The following ROBO2 variants were observed in gnomAD, a reference collection of about 807,000 sequenced individuals.
The protein encoded by ROBO2 is roundabout guidance receptor 2.
In ROBO2, 53 loss-of-function variants were observed where a neutral mutation model predicts 160.8. That is an observed-to-expected ratio of 0.33 (90% CI 0.26 to 0.41). The LOEUF is 0.41. Ranked by LOEUF, ROBO2 falls within the 10% of genes least tolerant of loss-of-function variation. ROBO2 has a pLI of 1.00. For missense variants in ROBO2, 1,577 were observed against 1,722.4 expected, an observed-to-expected ratio of 0.92 and a Z score of 1.49; for synonymous variants, 664 against 611.7, an observed-to-expected ratio of 1.09 and a Z score of -1.26.
intron 2 of ROBO2, among the ~76,000 whole-genome samples, chr3:76,126,450 A>G (rs569092070): frequency 4.6e-5 from 7 of 152,280 alleles, no homozygotes; most frequent in South Asian, 4.1e-4. Flanking sequence ...TGACTTCTTA[A>G]TGAGGCATAC....
chr3:77,508,628 G>A (rs1200799985), intron 5 of ROBO2, among the ~76,000 whole-genome samples: 1 of 151,674 alleles, frequency 6.6e-6, no homozygotes, highest in African/African-American at 2.4e-5. Context: ...TATTCATAGT[G>A]TAATGACAAA....
chr3:75,920,103 TC>T (rs1284602453), intron 1 of ROBO2, among the ~76,000 whole-genome samples: 2 of 152,160 alleles, frequency 1.3e-5, no homozygotes, highest in African/African-American at 4.8e-5. Context: ...TGCCATTGCT[TC>T]TTTTGATTGC....
At chr3:76,253,124 A>T (rs775469791) in intron 2 of ROBO2, among the ~76,000 whole-genome samples, 3 of 152,082 alleles carry the variant, frequency 2.0e-5, no homozygotes, top group African/African-American at 4.8e-5. Context: ...TACCAAGTTG[A>T]CACATAATGC....
At chr3:77,385,475 A>G (rs2074003750) in intron 2 of ROBO2, among the ~76,000 whole-genome samples, 1 of 152,200 alleles carries the variant, frequency 6.6e-6, no homozygotes, top group Non-Finnish European at 1.5e-5. Context: ...TACCCAAGCG[A>G]CATTTTTGTG....
chr3:77,516,028 C>T (rs1170811272), intron 5 of ROBO2, among the ~76,000 whole-genome samples: 1 of 151,408 alleles, frequency 6.6e-6, no homozygotes, highest in Non-Finnish European at 1.5e-5. Flanking sequence ...TTTATTTAGG[C>T]TCCATATGTT....
chr3:77,409,061 A>G (rs936594342), intron 2 of ROBO2, among the ~76,000 whole-genome samples: 1 of 149,522 alleles, frequency 6.7e-6, no homozygotes, highest in African/African-American at 2.5e-5. Context: ...CTCTTAAAAG[A>G]ATTGTTTATG....
chr3:77,405,750 C>T (rs965068881), intron 2 of ROBO2, among the ~76,000 whole-genome samples: 1 of 151,854 alleles, frequency 6.6e-6, no homozygotes, highest in Non-Finnish European at 1.5e-5. Flanking sequence ...AAAGGAAAAA[C>T]CACAAACAAT....
At chr3:77,365,709 A>T (rs913775988) in intron 2 of ROBO2, among the ~76,000 whole-genome samples, 1 of 151,942 alleles carries the variant, frequency 6.6e-6, no homozygotes, top group East Asian at 2.0e-4. Context: ...AACAAAGTGC[A>T]TCATGAATTG....
intron 2 of ROBO2, among the ~76,000 whole-genome samples, chr3:76,032,199 G>C (rs1576560831): frequency 6.6e-6 from 1 of 152,056 alleles, no homozygotes; most frequent in East Asian, 1.9e-4. Flanking sequence ...GATCGGTGGT[G>C]ATATCCCCTT....
intron 5 of ROBO2, among the ~76,000 whole-genome samples, chr3:77,522,073 A>G (rs2090653343): frequency 6.6e-6 from 1 of 151,328 alleles, no homozygotes. Flanking sequence ...TTAGAATTAA[A>G]TAAGAACATA....
At chr3:76,395,069 G>A (rs1293683709) in intron 2 of ROBO2, among the ~76,000 whole-genome samples, 2 of 152,014 alleles carry the variant, frequency 1.3e-5, no homozygotes, top group African/African-American at 2.4e-5. Flanking sequence ...TGACCACACA[G>A]TTGGAAGTAA....
At chr3:76,969,995 G>T (rs1006065370) in intron 2 of ROBO2, among the ~76,000 whole-genome samples, 1 of 152,138 alleles carries the variant, frequency 6.6e-6, no homozygotes, top group African/African-American at 2.4e-5. Flanking sequence ...AAGCCAACAT[G>T]GTTCAAAAGT....
At chr3:77,593,957 A>G (rs2094240642) in intron 17 of ROBO2, among the ~76,000 whole-genome samples, 1 of 152,188 alleles carries the variant, frequency 6.6e-6, no homozygotes, top group African/African-American at 2.4e-5. Context: ...TATTGGGTTC[A>G]CAGCTGTGAA....
At chr3:77,049,461 G>A (rs746978800) in intron 1 of ROBO2, among the ~76,000 whole-genome samples, 3 of 152,186 alleles carry the variant, frequency 2.0e-5, no homozygotes, top group African/African-American at 7.2e-5. Context: ...TCAATGATAT[G>A]GCTATGGATA....
At chr3:77,330,805 C>G (rs556775534) in intron 2 of ROBO2, among the ~76,000 whole-genome samples, 1 of 152,266 alleles carries the variant, frequency 6.6e-6, no homozygotes, top group African/African-American at 2.4e-5. Context: ...AGGTATATTA[C>G]TGAACACTGT....
chr3:77,601,088 C>T (rs4539917), intron 19 of ROBO2, among the ~76,000 whole-genome samples: 82,796 of 151,854 alleles, frequency 0.55, 22,844 homozygotes, highest in Middle Eastern at 0.68. Context: ...CTAAAGAAGA[C>T]AATTTTTAGC....
chr3:77,180,416 C>CTCTCTATATATATATATATATATATATA (rs1433740534), intron 2 of ROBO2, among the ~76,000 whole-genome samples: 14 of 90,724 alleles, frequency 1.5e-4, no homozygotes, highest in Non-Finnish European at 3.0e-4. Context: ...CTCTCTCTCT[C>CTCTCTATATATATATATATATATATATA]TATATATATA....
chr3:76,916,809 G>A (rs909241215), intron 2 of ROBO2, among the ~76,000 whole-genome samples: 3 of 152,096 alleles, frequency 2.0e-5, no homozygotes. Context: ...AGTTCAAAAA[G>A]AGTGTGAGAA....
At position 76,049,401 on chromosome 3, in the gene ROBO2, A is replaced by ATTTTTTTTTTT. The variant is rs1306305555; in HGVS notation, c.109+111800_109+111801insTTTTTTTTTTT. Among the ~76,000 whole-genome samples, 149 of 63,616 alleles carry ATTTTTTTTTTT rather than the reference A, an allele frequency of 2.3e-3. 4 individuals carry two copies. Among genetic ancestry groups the ATTTTTTTTTTT allele is most frequent in the African/African-American group, 3.0e-3 (26 of 8,768 alleles). The allele number at this position is 63,616 out of a possible 152,430, so 41.7% of individuals were successfully genotyped here. ...AATTTTAGTATATATATATATATAT[A>ATTTTTTTTTTT]TATTTTTTTTTTTTTTTTTTTTTGT... On this transcript the variant is annotated intron_variant, in intron 2 of 26. Transcript: ENST00000487694.
Sources: allele counts gnomAD v4.1 joint callset (sites outside exome capture counted in the v4.1 genomes callset), GRCh38; gene constraint gnomAD v4.1.1; transcripts MANE v1.5; gene names NCBI Gene and HGNC (gene_info 2026-07-23, HGNC 2026-07-21).